The following SLC28A1 variants were observed in gnomAD, a reference collection of about 807,000 sequenced individuals.
SLC28A1 encodes the protein solute carrier family 28 member 1.
SLC28A1 carries 64 observed loss-of-function variants against 74.8 expected under a neutral mutation model. The observed-to-expected ratio is 0.86, with a 90% CI of 0.70 to 1.05. The LOEUF (loss-of-function observed/expected upper bound fraction) is 1.05. Ranked by LOEUF, SLC28A1 falls within the 50% of genes least tolerant of loss-of-function variation. The pLI, the probability that SLC28A1 is intolerant of heterozygous loss-of-function variation, is 0.00. For synonymous variants in SLC28A1, 359 were observed against 335.0 expected (o/e 1.07, Z -0.78); for missense variants, 828 against 822.8 (o/e 1.01, Z -0.08).
the SLC28A1 span, chr15:84,975,468 A>G: frequency 2.2e-6 from 1 of 456,136 alleles, no homozygotes. Flanking sequence ...TTCTAGTTCC[A>G]TTAGTTATGT....
At chr15:84,886,262 T>A (rs1964589142) in intron 1 of SLC28A1, 1 of 985,184 alleles carries the variant, frequency 1.0e-6, no homozygotes. Flanking sequence ...ACAGGAAAAT[T>A]GGTTGCTGTT....
Position 84,895,052 on chromosome 15 carries a change from GC to G in SLC28A1, c.391del (p.Leu131PhefsTer6), listed in dbSNP as rs776656253. On this transcript the variant is annotated frameshift_variant, in exon 6 of 19. Transcript: ENST00000394573. LOFTEE classifies it high-confidence loss of function. ...TFLGHRLLKR[L>X]LGPKLRRFLK... ...TCCTGGGCCACCGCCTGCTGAAACG[GC>G]TTCTGGGGCCAAAGCTGAGGAGGTT... 38 of 1,612,020 alleles carry G rather than the reference GC, an allele frequency of 2.4e-5. No individual in the cohort carries two copies. Among genetic ancestry groups the G allele is most frequent in the Non-Finnish European group, 5.9e-6 (7 of 1,179,326 alleles).
chr15:84,938,443 C>T (rs1383231132), intron 15 of SLC28A1: 4 of 152,082 alleles, frequency 2.6e-5, no homozygotes, highest in Non-Finnish European at 5.9e-5. Context: ...CATGAATTTG[C>T]ACATCATCCT....
chr15:84,970,843 AC>A, the SLC28A1 span, among the ~76,000 whole-genome samples: 1 of 150,608 alleles, frequency 6.6e-6, no homozygotes, highest in Non-Finnish European at 1.5e-5. Flanking sequence ...ACAAAAAAAA[AC>A]AAAAACAAAA....
chr15:84,936,447 G>A (rs1036952938), intron 15 of SLC28A1, among the ~76,000 whole-genome samples: 4 of 151,808 alleles, frequency 2.6e-5, no homozygotes, highest in Non-Finnish European at 4.4e-5. Flanking sequence ...TAGTAGAGAC[G>A]GGGTTCACCA....
At position 84,889,709 on chromosome 15, in the gene SLC28A1, T is replaced by TTTCC. The variant is rs1327916243; in HGVS notation, c.186-679_186-676dup. Reference sequence around the variant, plus strand: ...CCTTCCTTCTTTCCTTCCTTCCTTCTTTCCTTCCTTCCTTCCTTCCTTCCT... The same window carrying TTTCC: ...CCTTCCTTCTTTCCTTCCTTCCTTCTTTCCTTCCTTCCTTCCTTCCTTCCTTCCT... On this transcript the variant is annotated intron_variant, in intron 4 of 18. Transcript: ENST00000394573. Among the ~76,000 whole-genome samples, 253 of 27,058 alleles carry TTTCC rather than the reference T, an allele frequency of 9.4e-3. 2 individuals carry two copies. Among genetic ancestry groups the TTTCC allele is most frequent in the Middle Eastern group, 0.05 (3 of 60 alleles). 17.8% of individuals were successfully genotyped at this position (27,058 alleles called of 152,430 possible). A position where few individuals can be genotyped will look rare whatever the true frequency, so the allele number is the denominator to read the frequency against.
chr15:84,912,040 C>T (rs1968333283), intron 9 of SLC28A1, among the ~76,000 whole-genome samples: 2 of 152,170 alleles, frequency 1.3e-5, no homozygotes, highest in South Asian at 2.1e-4. Context: ...AGGCCCTGTC[C>T]TCTGGACAAA....
At chr15:84,893,685 T>A (rs2049213499) in intron 5 of SLC28A1, among the ~76,000 whole-genome samples, 1 of 152,126 alleles carries the variant, frequency 6.6e-6, no homozygotes, top group Middle Eastern at 3.2e-3. Context: ...TTCTCCATGG[T>A]GGGCTCATTC....
intron 15 of SLC28A1, chr15:84,939,780 T>G (rs142582751): frequency 2.0e-3 from 303 of 152,442 alleles, no homozygotes; most frequent in African/African-American, 7.1e-3. Flanking sequence ...GCATTCAGAA[T>G]GTCAACAAAA....
the SLC28A1 span, among the ~76,000 whole-genome samples, chr15:84,965,304 C>G: frequency 6.6e-6 from 1 of 152,194 alleles, no homozygotes; most frequent in East Asian, 1.9e-4. Context: ...GCCTCCCCAG[C>G]CCTGCAGAAC....
chr15:84,886,151 T>G (rs1567107327), intron 1 of SLC28A1: 1 of 985,266 alleles, frequency 1.0e-6, no homozygotes, highest in South Asian at 4.7e-5. Context: ...TTAACAAAGA[T>G]GAAATGAAGG....
chr15:84,970,152 G>C, the SLC28A1 span, among the ~76,000 whole-genome samples: 3 of 152,306 alleles, frequency 2.0e-5, no homozygotes, highest in African/African-American at 7.2e-5. Context: ...GCCATCCCCA[G>C]GTGCTAGCAG....
chr15:84,942,161 A>G lies in SLC28A1; in HGVS notation c.1582-1284A>G, dbSNP rs371250345. Among the ~76,000 whole-genome samples the G allele has an allele frequency of 3.5e-3, 529 of 152,300 alleles. 6 individuals carry two copies. The highest frequency in any genetic ancestry group is 0.012 in the African/African-American group (508 of 41,574). On this transcript the variant is annotated intron_variant, in intron 15 of 18. Coordinates refer to ENST00000394573, the MANE Select transcript of SLC28A1 (RefSeq NM_004213.5). ...AATAATTTTTAATTTTTGTGGGTAT[A>G]TAGTAGGTGTAAATATTTATGAGGT...
intron 5 of SLC28A1, among the ~76,000 whole-genome samples, 174 bp downstream of exon 5, chr15:84,890,708 G>A (rs900071279): frequency 6.6e-6 from 1 of 152,220 alleles, no homozygotes; most frequent in African/African-American, 2.4e-5. Context: ...GCCAGATCTT[G>A]TTCCCAAGGC....
At position 84,904,181 on chromosome 15, in the gene SLC28A1, C is replaced by A; in HGVS notation, c.546C>A (p.Phe182Leu). The change falls in exon 7 of 19, where the codon TTC (phenylalanine) becomes TTA (leucine). Residue 182 changes from phenylalanine to leucine, a missense_variant. Transcript: ENST00000394573. ...AGCGGCCTGAGCAACTGGTGTCCTT[C>A]GCAGGAATCTGCGTGTTCGTCGCTC... ...TSQRPEQLVS[F>L]AGICVFVALL... 1 of 1,614,176 alleles carries A rather than the reference C, an allele frequency of 6.2e-7. No homozygotes were observed. Among genetic ancestry groups the A allele is most frequent in the South Asian group, 1.1e-5 (1 of 91,082 alleles).
chr15:84,926,788 T>TGGGGGGG (rs1216645712), intron 12 of SLC28A1, among the ~76,000 whole-genome samples: 1 of 10,108 alleles, frequency 9.9e-5, no homozygotes, highest in African/African-American at 3.9e-4. Context: ...GGATGCTGTG[T>TGGGGGGG]GGGGGGTGGG....
chr15:84,922,466 G>A lies in SLC28A1; in HGVS notation c.957+1397G>A, dbSNP rs533379959. Among the ~76,000 whole-genome samples the A allele has an allele frequency of 6.6e-5, 10 of 152,218 alleles. No individual in the cohort carries two copies. In the East Asian group the frequency reaches 1.5e-3, roughly 24 times the overall value. On this transcript the variant is annotated intron_variant, in intron 11 of 18. Transcript: ENST00000394573. ...TGCCTTCCTCCGCTTCCCCCACTGC[G>A]GCATCCAATCTATCAGCATTCCCAC...
chr15:84,924,159 A>T (rs779448115), intron 12 of SLC28A1, 49 bp downstream of exon 12: 1 of 1,598,108 alleles, frequency 6.3e-7, no homozygotes, highest in Non-Finnish European at 8.5e-7. Context: ...CCTGAAGCCC[A>T]TCTTTGTGGG....
At chr15:84,943,624 G>T in intron 16 of SLC28A1, 98 bp downstream of exon 16, 2 of 990,492 alleles carry the variant, frequency 2.0e-6, no homozygotes, top group Non-Finnish European at 3.2e-6. Flanking sequence ...TCTAAAGCAG[G>T]ACCCAAACAA....
Sources: gnomAD v4.1 joint callset for allele counts (sites outside exome capture counted in the v4.1 genomes callset) on GRCh38, gnomAD v4.1.1 for gene constraint, MANE v1.5 for transcripts, NCBI Gene and HGNC (gene_info 2026-07-23, HGNC 2026-07-21) for gene names.